LRFN5: variants seen among roughly 807,000 people sequenced by gnomAD.
LRFN5 encodes the protein leucine-rich repeat and fibronectin type-III domain-containing protein 5.
A neutral mutation model predicts 45.6 loss-of-function variants in LRFN5; 24 were observed. That is an observed-to-expected ratio of 0.53 (90% CI 0.38 to 0.74). The LOEUF (loss-of-function observed/expected upper bound fraction) is 0.74, where lower values mean the gene tolerates loss of function less well. Among genes scored for constraint, LRFN5 ranks in the 30% least tolerant of loss-of-function variants. The pLI is 0.00. For synonymous variants in LRFN5, 340 were observed against 313.8 expected, an observed-to-expected ratio of 1.08 and a Z score of -0.88; for missense variants, 776 against 861.5, an observed-to-expected ratio of 0.90 and a Z score of 1.24.
chr14:41,673,386 CAG>C (rs1881343634), intron 1 of LRFN5, among the ~76,000 whole-genome samples: 1 of 142,142 alleles, frequency 7.0e-6, no homozygotes, highest in Non-Finnish European at 1.5e-5. Context: ...GCTGGCCGGG[CAG>C]GGGGCTGACC....
At chr14:41,737,185 G>C (rs1401317588) in intron 1 of LRFN5, among the ~76,000 whole-genome samples, 1 of 152,104 alleles carries the variant, frequency 6.6e-6, no homozygotes, top group Non-Finnish European at 1.5e-5. Flanking sequence ...TGGCATGCAA[G>C]GCTGGTTCAA....
chr14:41,788,678 A>G (rs111606324), intron 2 of LRFN5, among the ~76,000 whole-genome samples: 1 of 152,084 alleles, frequency 6.6e-6, no homozygotes, highest in Non-Finnish European at 1.5e-5. Flanking sequence ...TGCTTTACTA[A>G]CTAGCCTTTA....
At chr14:41,762,621 A>C (rs1219591093) in intron 1 of LRFN5, among the ~76,000 whole-genome samples, 1 of 152,010 alleles carries the variant, frequency 6.6e-6, no homozygotes, top group Non-Finnish European at 1.5e-5. Flanking sequence ...AGTAATTTTC[A>C]ATTTTTTGCT....
intron 1 of LRFN5, among the ~76,000 whole-genome samples, chr14:41,631,693 A>T (rs892324590): frequency 1.3e-5 from 2 of 152,112 alleles, no homozygotes; most frequent in African/African-American, 4.8e-5. Flanking sequence ...AGAGATGCCT[A>T]CTGAGAGAAA....
At chr14:41,612,545 A>T (rs1887792146) in intron 1 of LRFN5, among the ~76,000 whole-genome samples, 1 of 152,166 alleles carries the variant, frequency 6.6e-6, no homozygotes, top group Non-Finnish European at 1.5e-5. Context: ...ATACATAACT[A>T]GCAGATAATT....
chr14:41,657,338 A>G (rs1566606756), intron 1 of LRFN5, among the ~76,000 whole-genome samples: 2 of 151,934 alleles, frequency 1.3e-5, no homozygotes, highest in Non-Finnish European at 2.9e-5. Flanking sequence ...TGTTCTTAGT[A>G]AGAGTCTGGA....
In LRFN5 at chr14:41,636,070, C is replaced by T. The variant is rs185075239; in HGVS notation, c.-197+27508C>T. ...TGAAATATTTTAAAGATAAGGAATT[C>T]ATATTAGGTTTTGATGACATTTGGG... On this transcript the variant is annotated intron_variant, in intron 1 of 5. Transcript: ENST00000298119. Among the ~76,000 whole-genome samples the T allele has an allele frequency of 1.7e-3, 253 of 152,220 alleles. 1 individual carries two copies. The highest frequency in any genetic ancestry group is 5.7e-3 in the African/African-American group (236 of 41,542).
At chr14:41,831,147 T>C (rs1888463582) in intron 2 of LRFN5, among the ~76,000 whole-genome samples, 1 of 152,196 alleles carries the variant, frequency 6.6e-6, no homozygotes, top group African/African-American at 2.4e-5. Flanking sequence ...CCTTATACAA[T>C]TGAAAACATG....
At chr14:41,862,832 C>T (rs908037705) in intron 2 of LRFN5, among the ~76,000 whole-genome samples, 1 of 147,144 alleles carries the variant, frequency 6.8e-6, no homozygotes, top group African/African-American at 2.5e-5. Context: ...TTAATAATCA[C>T]TTTTCATGAA....
At chr14:41,667,970 T>C (rs979495848) in intron 1 of LRFN5, among the ~76,000 whole-genome samples, 4 of 152,186 alleles carry the variant, frequency 2.6e-5, no homozygotes, top group African/African-American at 9.6e-5. Flanking sequence ...GTTACTATTC[T>C]TCATTTTGTT....
chr14:41,712,296 TTACACC>T (rs1483180587), intron 1 of LRFN5, among the ~76,000 whole-genome samples: 2 of 110,354 alleles, frequency 1.8e-5, no homozygotes, highest in Non-Finnish European at 3.7e-5. Flanking sequence ...GCGCAGTGGC[TTACACC>T]TATAATCCCA....
At position 41,852,187 on chromosome 14, in the gene LRFN5, G is replaced by C. The variant is rs116450001; in HGVS notation, c.-20-34419G>C. ...AGAAAAAAGTTGTTAATGCAATCCT[G>C]TTAGAAAGTACTCTATGAACAAGAT... On this transcript the variant is annotated intron_variant, in intron 2 of 5. Transcript: ENST00000298119. Among the ~76,000 whole-genome samples the C allele has an allele frequency of 1.8e-3, 281 of 151,918 alleles. 2 individuals are homozygous for C. The highest frequency in any genetic ancestry group is 6.8e-3 in the Middle Eastern group (2 of 294).
chr14:41,643,613 G>A (rs1287395189), intron 1 of LRFN5, among the ~76,000 whole-genome samples: 3 of 152,018 alleles, frequency 2.0e-5, no homozygotes, highest in South Asian at 2.1e-4. Context: ...AGGCAAATTC[G>A]ATAACATCAT....
At chr14:41,808,965 C>T (rs1434832649) in intron 2 of LRFN5, among the ~76,000 whole-genome samples, 1 of 152,004 alleles carries the variant, frequency 6.6e-6, no homozygotes, top group Non-Finnish European at 1.5e-5. Context: ...AACACAAAGT[C>T]CTCTATTCAT....
chr14:41,645,266 ACT>A (rs1879761603), intron 1 of LRFN5, among the ~76,000 whole-genome samples: 1 of 152,080 alleles, frequency 6.6e-6, no homozygotes, highest in Non-Finnish European at 1.5e-5. Context: ...ATGGAGTCTC[ACT>A]GTGTCACCCA....
At chr14:41,871,291 A>C (rs527285529) in intron 2 of LRFN5, among the ~76,000 whole-genome samples, 1 of 152,252 alleles carries the variant, frequency 6.6e-6, no homozygotes, top group South Asian at 2.1e-4. Flanking sequence ...CAGTAAAAAC[A>C]TACTCCCAGA....
intron 4 of LRFN5, chr14:41,894,565 G>A (rs550599974): frequency 3.1e-6 from 3 of 969,400 alleles, no homozygotes; most frequent in Non-Finnish European, 3.7e-6. Flanking sequence ...GGCTTATCAA[G>A]AAGGTCAAAA....
intron 2 of LRFN5, among the ~76,000 whole-genome samples, chr14:41,825,066 C>T (rs901706728): frequency 1.3e-5 from 2 of 152,164 alleles, no homozygotes; most frequent in Non-Finnish European, 2.9e-5. Flanking sequence ...GGCAGAAGTT[C>T]TTTTGTTAGC....
intron 1 of LRFN5, among the ~76,000 whole-genome samples, chr14:41,718,780 C>G (rs998225629): frequency 1.2e-4 from 18 of 152,200 alleles, no homozygotes; most frequent in African/African-American, 4.3e-4. Context: ...GGCTCAGAAA[C>G]TCAGCTTTAA....
Sources: allele counts gnomAD v4.1 joint callset (sites outside exome capture counted in the v4.1 genomes callset), GRCh38; gene constraint gnomAD v4.1.1; transcripts MANE v1.5; gene names NCBI Gene and HGNC (gene_info 2026-07-23, HGNC 2026-07-21).